The following CNOT6L variants were observed in gnomAD, a reference collection of about 807,000 sequenced individuals.
The protein encoded by CNOT6L is CCR4-NOT transcription complex subunit 6-like.
CNOT6L carries 7 observed loss-of-function variants against 64.0 expected under a neutral mutation model. That is an observed-to-expected ratio of 0.11 (90% CI 0.06 to 0.21). The LOEUF is 0.21. CNOT6L is among the 10% of genes least tolerant of loss of function. The pLI is 1.00. For missense variants in CNOT6L, 245 were observed against 669.0 expected, an observed-to-expected ratio of 0.37 and a Z score of 6.99; for synonymous variants, 193 against 243.4, an observed-to-expected ratio of 0.79 and a Z score of 1.93.
chr4:77,780,369 G>T (rs549781839), intron 1 of CNOT6L, among the ~76,000 whole-genome samples: 1 of 152,234 alleles, frequency 6.6e-6, no homozygotes, highest in Non-Finnish European at 1.5e-5. Flanking sequence ...AACTTACATA[G>T]ATTCTCAAAA....
Position 77,819,368 on chromosome 4 carries a change from C to T in CNOT6L, c.-60G>A, listed in dbSNP as rs1734034034. 2 of 1,612,104 alleles carry T rather than the reference C, an allele frequency of 1.2e-6. No individual in the cohort carries two copies. Among genetic ancestry groups the T allele is most frequent in the Admixed American group, 1.7e-5 (1 of 59,942 alleles). On this transcript the variant is annotated 5_prime_UTR_variant, in exon 1 of 12. In the 5' UTR this introduces an upstream ATG that the reference lacks. Coordinates refer to ENST00000504123, the MANE Select transcript of CNOT6L (RefSeq NM_144571.3). ...TTCCCCGCGGCAGGGGAAACACACACACAAACACGCGCGCGCGCGCGCACC... is the reference window on the plus strand; with the variant it reads ...TTCCCCGCGGCAGGGGAAACACACATACAAACACGCGCGCGCGCGCGCACC...
chr4:77,783,498 T>C (rs547281828), intron 1 of CNOT6L, among the ~76,000 whole-genome samples: 3 of 152,328 alleles, frequency 2.0e-5, no homozygotes, highest in South Asian at 4.1e-4. Context: ...GGTAGTTGCA[T>C]TGTTCTCTAC....
chr4:77,721,924 C>G (rs1488620374), intron 11 of CNOT6L, among the ~76,000 whole-genome samples: 1 of 150,920 alleles, frequency 6.6e-6, no homozygotes, highest in Non-Finnish European at 1.5e-5. Context: ...TATAATTGTC[C>G]CACTGCTTTC....
chr4:77,755,365 T>C (rs1725446038), intron 5 of CNOT6L, among the ~76,000 whole-genome samples: 1 of 149,524 alleles, frequency 6.7e-6, no homozygotes, highest in African/African-American at 2.5e-5. Flanking sequence ...TACAGGCACG[T>C]GCCACCACAC....
chr4:77,758,656 T>C (rs1197898675), intron 4 of CNOT6L, among the ~76,000 whole-genome samples: 1 of 152,172 alleles, frequency 6.6e-6, no homozygotes, highest in East Asian at 1.9e-4. Flanking sequence ...CACTTTAAAG[T>C]GTAACTGACA....
At chr4:77,777,132 CAA>C (rs1280373902) in intron 1 of CNOT6L, among the ~76,000 whole-genome samples, 2 of 152,222 alleles carry the variant, frequency 1.3e-5, no homozygotes, top group Non-Finnish European at 2.9e-5. Flanking sequence ...TACTAGTAAT[CAA>C]AAGTGTCCTA....
intron 1 of CNOT6L, 117 bp downstream of exon 1, chr4:77,819,183 CGCCA>C: frequency 6.3e-7 from 1 of 1,598,452 alleles, no homozygotes; most frequent in Non-Finnish European, 8.5e-7. Context: ...CCTCCCCGCC[CGCCA>C]AAGTCCCAAC....
At position 77,776,308 on chromosome 4, in the gene CNOT6L, A is replaced by T. The variant is rs767323583; in HGVS notation, c.90T>A (p.Asn30Lys). The T allele has an allele frequency of 6.2e-7, 1 of 1,611,426 alleles. No individual in the cohort carries two copies. The highest frequency in any genetic ancestry group is 8.5e-7 in the Non-Finnish European group (1 of 1,179,416). ...ATTCTGCCCAGTGAGATTTTTTCCC[A>T]TTGGCTACCTCCTCTGCTGACATGA... ...YTIMSAEEVA[N>K]GKKSHWAELE... is the part of the protein sequence containing the mutation. Residue 30 changes from asparagine (N) to lysine (K), a missense_variant, in exon 2 of 12, where the codon AAT becomes AAA. Asn to Lys is a moderately conservative substitution (Grantham distance 94, BLOSUM62 0). Coordinates refer to ENST00000504123, the MANE Select transcript of CNOT6L (RefSeq NM_144571.3).
chr4:77,713,633 A>G lies in CNOT6L; in HGVS notation c.*6798T>C, dbSNP rs1003512667. 6.6e-6 allele frequency: 1 copy of G among 152,626 alleles called. No homozygotes were observed. Among genetic ancestry groups the G allele is most frequent in the African/African-American group, 2.4e-5 (1 of 41,444 alleles). 9.5% of individuals were successfully genotyped at this position (152,626 alleles called of 1,614,324 possible). ...CTGCTTTTTTTTAGTCAATGTTCAC[A>G]TTAATGAAAAAATACTACCAACCGT... On this transcript the variant is annotated 3_prime_UTR_variant, in exon 12 of 12. Transcript: ENST00000504123.
chr4:77,742,970 G>A (rs1205555992), intron 7 of CNOT6L, among the ~76,000 whole-genome samples: 2 of 152,112 alleles, frequency 1.3e-5, no homozygotes, highest in Non-Finnish European at 2.9e-5. Context: ...ACAACTAAAT[G>A]TGTCCAATGG....
At chr4:77,784,720 G>C (rs1729249896) in intron 1 of CNOT6L, among the ~76,000 whole-genome samples, 1 of 152,076 alleles carries the variant, frequency 6.6e-6, no homozygotes, top group African/African-American at 2.4e-5. Flanking sequence ...CCTGGCCCAA[G>C]TGATCTGCCC....
intron 1 of CNOT6L, among the ~76,000 whole-genome samples, chr4:77,787,820 G>A (rs1353574727): frequency 6.6e-6 from 1 of 152,142 alleles, no homozygotes; most frequent in Non-Finnish European, 1.5e-5. Flanking sequence ...CAACAATCTT[G>A]TAAGCAGGTA....
rs143681900 is a variant in CNOT6L, at chr4:77,766,967, G to A, written c.400+6114C>T. ...AATCCCAGCTACTCAGGAAGCTGAG[G>A]CAGGAGAATCGTTTGAACCCGGGAG... On this transcript the variant is annotated intron_variant, in intron 4 of 11. Coordinates refer to ENST00000504123, the MANE Select transcript of CNOT6L (RefSeq NM_144571.3). 8.6e-4 allele frequency among the ~76,000 whole-genome samples: 129 copies of A among 149,744 alleles called. 1 individual carries two copies. The highest frequency in any genetic ancestry group is 2.9e-3 in the African/African-American group (119 of 40,494).
At chr4:77,751,330 A>G (rs1046412114) in intron 5 of CNOT6L, among the ~76,000 whole-genome samples, 1 of 152,190 alleles carries the variant, frequency 6.6e-6, no homozygotes, top group East Asian at 1.9e-4. Context: ...AATCAGGAGA[A>G]CTTAGTCTGA....
intron 4 of CNOT6L, among the ~76,000 whole-genome samples, chr4:77,758,390 C>T (rs746313726): frequency 8.5e-5 from 13 of 152,110 alleles, no homozygotes; most frequent in Non-Finnish European, 1.6e-4. Context: ...ATCCAAAATG[C>T]GTCACTGAGA....
chr4:77,779,679 G>A (rs1368204991), intron 1 of CNOT6L, among the ~76,000 whole-genome samples: 1 of 152,146 alleles, frequency 6.6e-6, no homozygotes, highest in East Asian at 1.9e-4. Context: ...AATGACCAAA[G>A]GCTGGGCGCA....
At chr4:77,768,470 A>AAAATATATATATATAT (rs1727112716) in intron 4 of CNOT6L, among the ~76,000 whole-genome samples, 13 of 134,400 alleles carry the variant, frequency 9.7e-5, no homozygotes, top group African/African-American at 3.8e-4. Context: ...GTCTAAAATA[A>AAAATATATATATATAT]ATAAATATAT....
chr4:77,785,810 T>C (rs1452272286), intron 1 of CNOT6L, among the ~76,000 whole-genome samples: 1 of 152,040 alleles, frequency 6.6e-6, no homozygotes, highest in Admixed American at 6.5e-5. Context: ...AGAAAACTTG[T>C]CTCAAAGTGC....
At chr4:77,815,751 GA>G (rs1733497442) in intron 1 of CNOT6L, among the ~76,000 whole-genome samples, 1 of 152,130 alleles carries the variant, frequency 6.6e-6, no homozygotes, top group South Asian at 2.1e-4. Context: ...AGGCAATAGG[GA>G]GGACTCCAAG....
Sources: allele counts gnomAD v4.1 joint callset (sites outside exome capture counted in the v4.1 genomes callset), GRCh38; gene constraint gnomAD v4.1.1; transcripts MANE v1.5; gene names NCBI Gene and HGNC (gene_info 2026-07-23, HGNC 2026-07-21).